The following LARGE1 variants were observed in gnomAD, a reference collection of about 807,000 sequenced individuals.
LARGE1 encodes LARGE xylosyl- and glucuronyltransferase 1.
Under a neutral mutation model 87.6 loss-of-function variants are expected in LARGE1, and 43 were observed. The observed-to-expected ratio is 0.49, with a 90% CI of 0.38 to 0.63. The LOEUF is 0.63. LARGE1 is among the 30% of genes least tolerant of loss of function. The pLI, the probability that LARGE1 is intolerant of heterozygous loss-of-function variation, is 0.00. For synonymous variants in LARGE1, 434 were observed against 394.6 expected, an observed-to-expected ratio of 1.10 and a Z score of -1.18; for missense variants, 802 against 1,000.2, an observed-to-expected ratio of 0.80 and a Z score of 2.67.
intron 9 of LARGE1, among the ~76,000 whole-genome samples, chr22:33,356,042 C>A (rs965656033): frequency 5.3e-5 from 1 of 18,910 alleles, no homozygotes; most frequent in African/African-American, 9.7e-5. Context: ...TCCTCCTCCC[C>A]AGTTCCCCAT....
At chr22:33,253,238 A>T (rs962330931) in intron 11 of LARGE1, among the ~76,000 whole-genome samples, 5 of 152,262 alleles carry the variant, frequency 3.3e-5, no homozygotes, top group Non-Finnish European at 7.3e-5. Flanking sequence ...GATTAAAAAC[A>T]TAAAGTTCTT....
At chr22:33,493,263 T>C (rs2069943340) in intron 6 of LARGE1, among the ~76,000 whole-genome samples, 1 of 149,684 alleles carries the variant, frequency 6.7e-6, no homozygotes, top group South Asian at 2.1e-4. Context: ...CGGGTTCAAG[T>C]GATTCTCCTG....
chr22:33,423,582 A>T (rs1025568246), intron 7 of LARGE1, among the ~76,000 whole-genome samples: 17 of 150,370 alleles, frequency 1.1e-4, no homozygotes, highest in Non-Finnish European at 2.4e-4. Context: ...CAGGAGGCTG[A>T]GGCGCGGGAA....
chr22:33,676,834 C>T (rs746833934), intron 2 of LARGE1, among the ~76,000 whole-genome samples: 19 of 152,224 alleles, frequency 1.2e-4, no homozygotes, highest in African/African-American at 4.6e-4. Flanking sequence ...TTTACAGACA[C>T]ATGTAGAGAG....
chr22:33,858,746 G>A (rs191214484), intron 1 of LARGE1, among the ~76,000 whole-genome samples: 111 of 152,258 alleles, frequency 7.3e-4, no homozygotes, highest in African/African-American at 2.6e-3. Flanking sequence ...ACATGCACAC[G>A]TATGTTTATT....
intron 5 of LARGE1, among the ~76,000 whole-genome samples, chr22:33,598,186 A>T (rs1423174313): frequency 6.6e-6 from 1 of 152,186 alleles, no homozygotes; most frequent in Non-Finnish European, 1.5e-5. Flanking sequence ...CAGATACTGG[A>T]GTCAGACAGT....
Position 33,346,298 on chromosome 22 carries a change from CT to C in LARGE1, c.1132-8498del, listed in dbSNP as rs979137823. Among the ~76,000 whole-genome samples the C allele has an allele frequency of 1.7e-3, 250 of 146,998 alleles. 1 individual carries two copies. The highest frequency in any genetic ancestry group is 8.8e-3 in the East Asian group (45 of 5,102). ...TTCTTTCCTCCTCCTCCTCCTCCTT[CT>C]TCTTTTTCTTTTTTTTTTCTGAGAC... On this transcript the variant is annotated intron_variant, in intron 9 of 14. Coordinates refer to ENST00000397394, the MANE Select transcript of LARGE1 (RefSeq NM_133642.5).
chr22:33,723,397 T>C (rs1458964317), intron 2 of LARGE1, among the ~76,000 whole-genome samples: 4 of 152,116 alleles, frequency 2.6e-5, no homozygotes, highest in African/African-American at 4.8e-5. Flanking sequence ...ATGTGGGTGA[T>C]GTACAAAGAA....
At chr22:33,069,771 G>C in the LARGE1 span, among the ~76,000 whole-genome samples, 1 of 151,692 alleles carries the variant, frequency 6.6e-6, no homozygotes, top group South Asian at 2.1e-4. Flanking sequence ...CAAAAAAATA[G>C]GTAAATGTCT....
At chr22:33,875,619 T>C (rs2064438783) in intron 1 of LARGE1, among the ~76,000 whole-genome samples, 1 of 152,240 alleles carries the variant, frequency 6.6e-6, no homozygotes. Flanking sequence ...GCCCCAGCCA[T>C]GTCCCATGCC....
At chr22:33,465,899 C>T (rs1053167640) in intron 6 of LARGE1, among the ~76,000 whole-genome samples, 5 of 152,208 alleles carry the variant, frequency 3.3e-5, no homozygotes, top group African/African-American at 1.2e-4. Flanking sequence ...CTAGCCACCT[C>T]CATCTGCAAA....
the LARGE1 span, among the ~76,000 whole-genome samples, chr22:33,086,428 T>C: frequency 9.3e-4 from 141 of 152,288 alleles, no homozygotes; most frequent in African/African-American, 3.2e-3. Flanking sequence ...TCTCAACTCA[T>C]TTAAAGCTAA....
chr22:33,678,360 T>TA (rs1312530580), intron 2 of LARGE1, among the ~76,000 whole-genome samples: 1 of 152,204 alleles, frequency 6.6e-6, no homozygotes, highest in African/African-American at 2.4e-5. Flanking sequence ...CCATATATTC[T>TA]AATATAGGTT....
chr22:33,091,778 C>T, the LARGE1 span, among the ~76,000 whole-genome samples: 2 of 152,170 alleles, frequency 1.3e-5, no homozygotes, highest in Non-Finnish European at 2.9e-5. Context: ...ATGGTAATAC[C>T]GATCCTGGAG....
chr22:33,833,835 G>A (rs2063039582), intron 1 of LARGE1, among the ~76,000 whole-genome samples: 1 of 152,064 alleles, frequency 6.6e-6, no homozygotes. Flanking sequence ...TTACAGGCAT[G>A]CGCCACCACG....
rs766086770 is a variant in LARGE1, at chr22:33,277,099, G to C, written c.2034C>G (p.Gly678=). ...PEYDRRFVGF[G]WNKVAHIMEL... is the part of the protein sequence containing the mutation. ...CCATGATATGAGCCACTTTGTTCCA[G>C]CCAAAGCCTACAAACCTCCGGTCGT... Residue 678 remains glycine, a synonymous_variant, in exon 14 of 15, where the codon GGC becomes GGG. Transcript: ENST00000397394. 13 of 1,614,078 alleles carry C rather than the reference G, an allele frequency of 8.1e-6. No homozygotes were observed. Among genetic ancestry groups the C allele is most frequent in the Non-Finnish European group, 1.1e-5 (13 of 1,180,046 alleles).
At chr22:33,717,418 G>A (rs2082944938) in intron 2 of LARGE1, among the ~76,000 whole-genome samples, 2 of 152,214 alleles carry the variant, frequency 1.3e-5, no homozygotes, top group South Asian at 4.1e-4. Context: ...CAGAATGAGA[G>A]CTTTTTCTTT....
chr22:33,092,229 T>C, the LARGE1 span, among the ~76,000 whole-genome samples: 2 of 151,642 alleles, frequency 1.3e-5, no homozygotes, highest in Non-Finnish European at 2.9e-5. Flanking sequence ...TTAATAAGAC[T>C]ATGTAGAATC....
At chr22:33,480,473 G>A (rs369036209) in intron 6 of LARGE1, among the ~76,000 whole-genome samples, 11 of 152,136 alleles carry the variant, frequency 7.2e-5, no homozygotes, top group Non-Finnish European at 1.0e-4. Context: ...GGTGAGCCCC[G>A]TAGAGGTTCC....
Sources: gnomAD v4.1 joint callset for allele counts (sites outside exome capture counted in the v4.1 genomes callset) on GRCh38, gnomAD v4.1.1 for gene constraint, MANE v1.5 for transcripts, NCBI Gene and HGNC (gene_info 2026-07-23, HGNC 2026-07-21) for gene names.